Variants in TMEM150A observed in about 807,000 individuals in gnomAD.
The protein encoded by TMEM150A is fasting-inducible integral membrane protein TM6P1.
TMEM150A carries 18 observed loss-of-function variants against 29.8 expected under a neutral mutation model. That is an observed-to-expected ratio of 0.60 (90% CI 0.42 to 0.90). The LOEUF (loss-of-function observed/expected upper bound fraction) is 0.90, where lower values mean the gene tolerates loss of function less well. Among genes scored for constraint, TMEM150A ranks in the 40% least tolerant of loss-of-function variants. TMEM150A has a pLI of 0.00. For synonymous variants in TMEM150A, 127 were observed against 143.6 expected (o/e 0.88, Z 0.83); for missense variants, 251 against 349.7 (o/e 0.72, Z 2.25).
At chr2:85,600,918 T>C (rs1448341753) in intron 4 of TMEM150A, 103 bp downstream of exon 4, 1 of 1,086,180 alleles carries the variant, frequency 9.2e-7, no homozygotes, top group Non-Finnish European at 1.3e-6. Context: ...TAAGTGGCTC[T>C]TAGGATACTT....
At chr2:85,600,737 C>G (rs1479186775) in intron 4 of TMEM150A, 2 of 550,210 alleles carry the variant, frequency 3.6e-6, no homozygotes, top group East Asian at 3.1e-5. Context: ...AATCCAGGTG[C>G]CTCCGCTTAT....
At position 85,599,981 on chromosome 2, in the gene TMEM150A, C is replaced by T; in HGVS notation, c.306G>A (p.Leu102=). The change falls in exon 6 of 8, where the codon CTG becomes CTA. Residue 102 remains leucine (L), a synonymous_variant. Transcript: ENST00000334462. The surrounding 1 kb of genome is among the most constrained non-coding windows in gnomAD (Gnocchi z 6.0). ...LICLLRYGQL[L]EQSRHSWVNT... is the part of the protein sequence containing the mutation. ...TAACCCAAGAGTGCCGACTCTGCTC[C>T]AGGAGCTGCCCGTAGCGCAGGAGGC... is the stretch of plus-strand genomic sequence containing the variant. 2 of 1,613,266 alleles carry T rather than the reference C, an allele frequency of 1.2e-6. No individual in the cohort carries two copies. The highest frequency in any genetic ancestry group is 1.7e-6 in the Non-Finnish European group (2 of 1,180,036).
chr2:85,601,665 C>A lies in TMEM150A; in HGVS notation c.66-183G>T, dbSNP rs1672969370. 1.1e-5 allele frequency: 9 copies of A among 842,316 alleles called. No individual in the cohort carries two copies. The South Asian group carries it at 1.1e-4, about 11-fold the overall frequency. 52.2% of individuals were successfully genotyped at this position (842,316 alleles called of 1,614,324 possible). ...CCTGCAGCATGCCCCCAGCTACAGG[C>A]CCTCTGGAAATTGCCCTGGCTAGAA... is the stretch of plus-strand genomic sequence containing the variant. On this transcript the variant is annotated intron_variant, in intron 2 of 7. Transcript: ENST00000334462. The surrounding 1 kb of genome is among the most constrained non-coding windows in gnomAD (Gnocchi z 4.0).
In TMEM150A at chr2:85,599,219, A is replaced by G. The variant is rs1467711211; in HGVS notation, c.673T>C (p.Phe225Leu). The change falls in exon 8 of 8, where the codon TTC becomes CTC. Residue 225 changes from phenylalanine (F) to leucine (L), a missense_variant. Coordinates refer to ENST00000334462, the MANE Select transcript of TMEM150A (RefSeq NM_001031738.3). The surrounding 1 kb of genome is among the most constrained non-coding windows in gnomAD (Gnocchi z 6.0). Reference protein sequence around the residue: ...VIDILIFYGTFSYEFGAVSSD... With the variant: ...VIDILIFYGTLSYEFGAVSSD... The stretch of plus-strand genomic sequence containing the variant: ...GAGACTGCCCCAAACTCGTAGCTGA[A>G]GGTGCCATAGAAAATGAGGATATCG... 1 of 1,613,858 alleles carries G rather than the reference A, an allele frequency of 6.2e-7. No individual in the cohort carries two copies. Among genetic ancestry groups the G allele is most frequent in the African/African-American group, 1.3e-5 (1 of 74,896 alleles).
Position 85,601,787 on chromosome 2 carries a change from A to G in TMEM150A, c.65+97T>C, listed in dbSNP as rs1409758564. On this transcript the variant is annotated intron_variant, in intron 2 of 7. Coordinates refer to ENST00000334462, the MANE Select transcript of TMEM150A (RefSeq NM_001031738.3). This position sits in a 1 kb window ranked among gnomAD's most constrained non-coding sequence, Gnocchi z 4.0. ...ACCAAGTCAGGCTTTTGAGACACCCAGAGTGACCCTGGGTACCACCGTGGC... is the reference window on the plus strand; with the variant it reads ...ACCAAGTCAGGCTTTTGAGACACCCGGAGTGACCCTGGGTACCACCGTGGC... 1 of 1,424,694 alleles carries G rather than the reference A, an allele frequency of 7.0e-7. No individual in the cohort carries two copies. The highest frequency in any genetic ancestry group is 9.8e-7 in the Non-Finnish European group (1 of 1,022,368). The allele number at this position is 1,424,694 out of a possible 1,614,324, so 88.3% of individuals were successfully genotyped here. A position where few individuals can be genotyped will look rare whatever the true frequency, so the allele number is the denominator to read the frequency against.
Position 85,599,891 on chromosome 2 carries a change from C to T in TMEM150A, c.396G>A (p.Gln132=), listed in dbSNP as rs760608564. 6.2e-7 allele frequency: 1 copy of T among 1,613,302 alleles called. No individual in the cohort carries two copies. The highest frequency in any genetic ancestry group is 8.5e-7 in the Non-Finnish European group (1 of 1,180,032). ...GTTTGCAGGGGAGAAGGGGAAGCAC[C>T]TGAAAGTTGCCAACCACCAAGAGGC... The part of the protein sequence containing the change: ...AAGLLVVGNF[Q]VDHARSLHYV... The change falls in exon 6 of 8, where the codon CAG becomes CAA. Residue 132 remains glutamine, a splice_region_variant and synonymous_variant. Transcript: ENST00000334462. This position sits in a 1 kb window ranked among gnomAD's most constrained non-coding sequence, Gnocchi z 6.0.
intron 5 of TMEM150A, 108 bp downstream of exon 5, chr2:85,600,237 T>C: frequency 1.4e-6 from 2 of 1,403,438 alleles, no homozygotes; most frequent in Non-Finnish European, 2.0e-6. Flanking sequence ...GCTGCCTCTA[T>C]TGCCTTAGCC....
Position 85,602,020 on chromosome 2 carries a change from C to A in TMEM150A, c.-72G>T. The stretch of plus-strand genomic sequence containing the variant: ...GGTAGATGGGGAAGTGGGGGCGGAC[C>A]AGCTACCTTGAGATGTTTCTGCCAC... On this transcript the variant is annotated 5_prime_UTR_variant, in exon 2 of 8. Coordinates refer to ENST00000334462, the MANE Select transcript of TMEM150A (RefSeq NM_001031738.3). The surrounding 1 kb of genome is among the most constrained non-coding windows in gnomAD (Gnocchi z 5.6). 6 of 1,345,892 alleles carry A rather than the reference C, an allele frequency of 4.5e-6. No individual in the cohort carries two copies. Among genetic ancestry groups the A allele is most frequent in the Non-Finnish European group, 6.4e-6 (6 of 938,232 alleles). 83.4% of individuals were successfully genotyped at this position (1,345,892 alleles called of 1,614,324 possible). A position where few individuals can be genotyped will look rare whatever the true frequency, so the allele number is the denominator to read the frequency against.
Position 85,599,454 on chromosome 2 carries a change from C to G in TMEM150A, c.574+71G>C. On this transcript the variant is annotated intron_variant, in intron 7 of 7. Coordinates refer to ENST00000334462, the MANE Select transcript of TMEM150A (RefSeq NM_001031738.3). This position sits in a 1 kb window ranked among gnomAD's most constrained non-coding sequence, Gnocchi z 6.0. ...ACATGGCAGTGTTAGGCCTCCACCC[C>G]CCATCCTCTTGGGAGGGAGAAAGGT... is the stretch of plus-strand genomic sequence containing the variant. The G allele has an allele frequency of 1.9e-6, 3 of 1,567,898 alleles. No individual in the cohort carries two copies. The highest frequency in any genetic ancestry group is 2.2e-5 in the East Asian group (1 of 44,556).
intron 4 of TMEM150A, 116 bp downstream of exon 4, chr2:85,600,905 T>C (rs1672899130): frequency 3.3e-6 from 3 of 897,920 alleles, no homozygotes; most frequent in Admixed American, 2.7e-5. Context: ...GTAGTGTTGT[T>C]ATTAAGTGGC....
intron 5 of TMEM150A, 83 bp from the exon 6 acceptor site, chr2:85,600,101 G>A: frequency 4.5e-6 from 7 of 1,564,526 alleles, no homozygotes; most frequent in Non-Finnish European, 6.1e-6. Flanking sequence ...AGACGCTGTG[G>A]TGCTCCTGCC....
In TMEM150A at chr2:85,601,985, G is replaced by T. The variant is rs763944852; in HGVS notation, c.-37C>A. On this transcript the variant is annotated 5_prime_UTR_variant, in exon 2 of 8. Transcript: ENST00000334462. The surrounding 1 kb of genome is among the most constrained non-coding windows in gnomAD (Gnocchi z 4.0). ...GCCAGGGTGGTGGTGGTGTTGGGGG[G>T]AGGACAAGAGGTAGATGGGGAAGTG... 6.2e-7 allele frequency: 1 copy of T among 1,605,938 alleles called. No homozygotes were observed. Among genetic ancestry groups the T allele is most frequent in the South Asian group, 1.1e-5 (1 of 90,854 alleles).
At position 85,599,884 on chromosome 2, in the gene TMEM150A, G is replaced by A. The variant is rs1573358809; in HGVS notation, c.396+7C>T. ...GTTTAAGGTTTGCAGGGGAGAAGGGGAAGCACCTGAAAGTTGCCAACCACC... is the reference window on the plus strand; with the variant it reads ...GTTTAAGGTTTGCAGGGGAGAAGGGAAAGCACCTGAAAGTTGCCAACCACC... On this transcript the variant is annotated splice_region_variant and intron_variant, in intron 6 of 7. Transcript: ENST00000334462. The surrounding 1 kb of genome is among the most constrained non-coding windows in gnomAD (Gnocchi z 6.0). 2.5e-6 allele frequency: 4 copies of A among 1,613,202 alleles called. No individual in the cohort carries two copies. The highest frequency in any genetic ancestry group is 1.7e-6 in the Non-Finnish European group (2 of 1,180,030).
rs1311926452 is a variant in TMEM150A at position 85,602,072 on chromosome 2, A to G, written c.-116-8T>C. The G allele has an allele frequency of 1.2e-6, 1 of 858,664 alleles. No homozygotes were observed. The highest frequency in any genetic ancestry group is 1.9e-6 in the Non-Finnish European group (1 of 514,118). 53.2% of individuals were successfully genotyped at this position (858,664 alleles called of 1,614,324 possible). On this transcript the variant is annotated splice_region_variant and splice_polypyrimidine_tract_variant and intron_variant, in intron 1 of 7. Transcript: ENST00000334462. This position sits in a 1 kb window ranked among gnomAD's most constrained non-coding sequence, Gnocchi z 5.6. ...ACCATCAGCTGTCCTGGCCTGGTGG[A>G]GAGAGATCAAAGTCCAGGAGTGGGT...
At chr2:85,600,138 C>G (rs1672853467) in intron 5 of TMEM150A, 120 bp from the exon 6 acceptor site, 1 of 1,419,020 alleles carries the variant, frequency 7.0e-7, no homozygotes, top group African/African-American at 1.4e-5. Context: ...AAGGAACAGA[C>G]AGGCGGGTGG....
chr2:85,601,358 C>G lies in TMEM150A; in HGVS notation c.113+77G>C. 1 of 1,573,782 alleles carries G rather than the reference C, an allele frequency of 6.4e-7. No individual in the cohort carries two copies. Among genetic ancestry groups the G allele is most frequent in the Non-Finnish European group, 8.7e-7 (1 of 1,143,704 alleles). The stretch of plus-strand genomic sequence containing the variant: ...TGAGGCTCAGGGTTGCAGTCTGGCT[C>G]GTGGCAGCCTCAGGCCCAAGAGGGG... On this transcript the variant is annotated intron_variant, in intron 3 of 7. Transcript: ENST00000334462. The surrounding 1 kb of genome is among the most constrained non-coding windows in gnomAD (Gnocchi z 4.0).
chr2:85,599,314 C>G lies in TMEM150A; in HGVS notation c.578G>C (p.Gly193Ala). The stretch of plus-strand genomic sequence containing the variant: ...AGAACTCTCATGGACAAAGAAGACT[C>G]CACCTAAAACGAGGCTAAGGAAATG... ...VIAFITLVLSGVFFVHESSQL... is the reference protein window; with the variant it reads ...VIAFITLVLSAVFFVHESSQL... The change falls in exon 8 of 8, where the codon GGA (glycine) becomes GCA (alanine). Residue 193 changes from glycine to alanine, a missense_variant. Coordinates refer to ENST00000334462, the MANE Select transcript of TMEM150A (RefSeq NM_001031738.3). This position sits in a 1 kb window ranked among gnomAD's most constrained non-coding sequence, Gnocchi z 6.0. 1.2e-6 allele frequency: 2 copies of G among 1,613,894 alleles called. No individual in the cohort carries two copies. The highest frequency in any genetic ancestry group is 1.7e-6 in the Non-Finnish European group (2 of 1,179,882).
At chr2:85,600,072 G>A (rs1429367287) in intron 5 of TMEM150A, 54 bp from the exon 6 acceptor site, 7 of 1,599,282 alleles carry the variant, frequency 4.4e-6, no homozygotes, top group African/African-American at 2.7e-5. Context: ...CCTGCCCAGC[G>A]AGCCTGTCAG....
chr2:85,599,025 A>G lies in TMEM150A; in HGVS notation c.*51T>C. 6.3e-7 allele frequency: 1 copy of G among 1,582,328 alleles called. No homozygotes were observed. The highest frequency in any genetic ancestry group is 2.3e-5 in the East Asian group (1 of 44,238). ...TTTTGGTACGAAATAAATGGAAAGA[A>G]GATATGGGGTGGGGTGCTGTGGAGG... On this transcript the variant is annotated 3_prime_UTR_variant, in exon 8 of 8. Coordinates refer to ENST00000334462, the MANE Select transcript of TMEM150A (RefSeq NM_001031738.3). The surrounding 1 kb of genome is among the most constrained non-coding windows in gnomAD (Gnocchi z 6.0).
Sources: allele counts gnomAD v4.1 joint callset, GRCh38; gene constraint gnomAD v4.1.1; non-coding constraint Gnocchi (gnomAD v3.1); transcripts MANE v1.5; gene names NCBI Gene and HGNC (gene_info 2026-07-23, HGNC 2026-07-21).